The following SLC12A7 variants were observed in gnomAD, a reference collection of about 807,000 sequenced individuals.
The protein encoded by SLC12A7 is solute carrier family 12 member 7.
SLC12A7 carries 100 observed loss-of-function variants against 120.6 expected under a neutral mutation model. That is an observed-to-expected ratio of 0.83 (90% CI 0.71 to 0.98). The LOEUF (loss-of-function observed/expected upper bound fraction) is 0.98, where lower values mean the gene tolerates loss of function less well. Among genes scored for constraint, SLC12A7 ranks in the 50% least tolerant of loss-of-function variants. The pLI is 0.00. For missense variants in SLC12A7, 1,373 were observed against 1,548.1 expected (o/e 0.89, Z 1.90); for synonymous variants, 760 against 678.0 (o/e 1.12, Z -1.88).
chr5:1,155,685 G>A, the SLC12A7 span, among the ~76,000 whole-genome samples: 1 of 151,124 alleles, frequency 6.6e-6, no homozygotes, highest in Non-Finnish European at 1.5e-5. Flanking sequence ...GTAGCGGCCG[G>A]GCTCGCGGCA....
the SLC12A7 span, among the ~76,000 whole-genome samples, chr5:1,136,765 G>A: frequency 5.3e-4 from 40 of 75,972 alleles, no homozygotes; most frequent in African/African-American, 1.8e-3. Flanking sequence ...GCAGGCACAC[G>A]TGTGCTCAGA....
chr5:1,091,425 C>G (rs1250605971), intron 3 of SLC12A7, among the ~76,000 whole-genome samples: 1 of 152,224 alleles, frequency 6.6e-6, no homozygotes. Flanking sequence ...GGAGCTAAAG[C>G]CTGTTCCCGG....
chr5:1,092,412 C>T (rs1219719661), intron 3 of SLC12A7, among the ~76,000 whole-genome samples: 1 of 152,228 alleles, frequency 6.6e-6, no homozygotes, highest in Non-Finnish European at 1.5e-5. Flanking sequence ...GGCCCACCCT[C>T]CCTGGACCTG....
Position 1,057,552 on chromosome 5 carries a change from G to A in SLC12A7, c.2945C>T (p.Thr982Ile). 1 of 1,613,200 alleles carries A rather than the reference G, an allele frequency of 6.2e-7. No homozygotes were observed. The highest frequency in any genetic ancestry group is 8.5e-7 in the Non-Finnish European group (1 of 1,179,964). ...PTPDKVQMTW[T>I]REKLIAEKYR... Reference sequence around the variant, plus strand: ...CTTCTCAGCGATCAGCTTCTCCCTGGTCCAGGTCATCTGCACCTTGTCTGG... The same window carrying A: ...CTTCTCAGCGATCAGCTTCTCCCTGATCCAGGTCATCTGCACCTTGTCTGG... The change falls in exon 22 of 24, where the codon ACC becomes ATC. Residue 982 changes from threonine (T) to isoleucine (I), a missense_variant. Physicochemically the swap from Thr to Ile is moderately conservative, Grantham distance 89. Coordinates refer to ENST00000264930, the MANE Select transcript of SLC12A7 (RefSeq NM_006598.3).
the SLC12A7 span, among the ~76,000 whole-genome samples, chr5:1,117,122 C>T: frequency 6.6e-6 from 1 of 152,086 alleles, no homozygotes; most frequent in African/African-American, 2.4e-5. The surrounding 1 kb of genome is among the most constrained non-coding windows in gnomAD (Gnocchi z 4.5). Context: ...AACCCCAGAG[C>T]CGTGGGGATG....
At chr5:1,124,044 A>G in the SLC12A7 span, among the ~76,000 whole-genome samples, 3 of 152,228 alleles carry the variant, frequency 2.0e-5, no homozygotes, top group Admixed American at 6.5e-5. Context: ...TCTCAGGGTG[A>G]TAAGTTAAAA....
chr5:1,132,256 G>GCTAC, the SLC12A7 span, among the ~76,000 whole-genome samples: 1 of 152,120 alleles, frequency 6.6e-6, no homozygotes, highest in African/African-American at 2.4e-5. Context: ...ACGTCGGGAA[G>GCTAC]CTACCCTCTA....
chr5:1,066,911 C>A (rs1298038135), intron 17 of SLC12A7, among the ~76,000 whole-genome samples: 1 of 152,186 alleles, frequency 6.6e-6, no homozygotes, highest in Non-Finnish European at 1.5e-5. Flanking sequence ...GCCGTGTGGT[C>A]TGTGTCCCAT....
chr5:1,136,886 GC>G, the SLC12A7 span, among the ~76,000 whole-genome samples: 3 of 92,412 alleles, frequency 3.2e-5, no homozygotes, highest in East Asian at 3.8e-4. Context: ...TGCTCAAACA[GC>G]AGGACACGCA....
chr5:1,104,243 G>A (rs571742145), intron 1 of SLC12A7, among the ~76,000 whole-genome samples: 1 of 152,354 alleles, frequency 6.6e-6, no homozygotes, highest in African/African-American at 2.4e-5. Context: ...GAGCCAAGGA[G>A]ATGAGAGGTC....
At chr5:1,110,531 A>G (rs1742918182) in intron 1 of SLC12A7, among the ~76,000 whole-genome samples, 1 of 152,252 alleles carries the variant, frequency 6.6e-6, no homozygotes, top group African/African-American at 2.4e-5. Context: ...GTCTAAAGAC[A>G]AAAGTGAACC....
chr5:1,078,431 C>T (rs1738611142), intron 11 of SLC12A7: 1 of 576,452 alleles, frequency 1.7e-6, no homozygotes, highest in East Asian at 2.9e-5. Flanking sequence ...AAGCCTCACC[C>T]GTCCACACCC....
chr5:1,129,327 C>T, the SLC12A7 span, among the ~76,000 whole-genome samples: 3 of 152,318 alleles, frequency 2.0e-5, no homozygotes, highest in Non-Finnish European at 4.4e-5. Context: ...AGGTAACACC[C>T]CCACCTCCGA....
intron 3 of SLC12A7, among the ~76,000 whole-genome samples, chr5:1,092,701 G>T (rs987845486): frequency 1.3e-5 from 2 of 152,180 alleles, no homozygotes; most frequent in Non-Finnish European, 2.9e-5. Context: ...AGCAGGGCCT[G>T]CGCTGCTTGG....
chr5:1,091,638 GAGC>G (rs1275662534), intron 3 of SLC12A7, among the ~76,000 whole-genome samples: 8 of 152,206 alleles, frequency 5.3e-5, no homozygotes, highest in Non-Finnish European at 1.2e-4. Flanking sequence ...GCTGAGTGCT[GAGC>G]CCGGCAATAC....
chr5:1,097,252 G>A (rs79184101), intron 1 of SLC12A7, among the ~76,000 whole-genome samples: 325 of 152,264 alleles, frequency 2.1e-3, no homozygotes, highest in Non-Finnish European at 4.0e-3. Flanking sequence ...TACACAGCAA[G>A]CACATTCGCT....
At chr5:1,086,105 G>A (rs1030402219) in intron 6 of SLC12A7, among the ~76,000 whole-genome samples, 2 of 152,164 alleles carry the variant, frequency 1.3e-5, no homozygotes, top group African/African-American at 2.4e-5. Flanking sequence ...CACGGCACCC[G>A]GGGCAGGTGG....
At chr5:1,075,129 G>A (rs1738181511) in intron 15 of SLC12A7, among the ~76,000 whole-genome samples, 2 of 152,176 alleles carry the variant, frequency 1.3e-5, no homozygotes, top group African/African-American at 2.4e-5. Flanking sequence ...AGGACGGCAC[G>A]AGACAGAGCT....
At chr5:1,135,988 GC>G in the SLC12A7 span, among the ~76,000 whole-genome samples, 1 of 152,186 alleles carries the variant, frequency 6.6e-6, no homozygotes, top group African/African-American at 2.4e-5. Flanking sequence ...GGGGTAAGCA[GC>G]ACACCATCTC....
Sources: gnomAD v4.1 joint callset for allele counts (sites outside exome capture counted in the v4.1 genomes callset) on GRCh38, gnomAD v4.1.1 for gene constraint, Gnocchi (gnomAD v3.1) non-coding constraint, MANE v1.5 for transcripts, NCBI Gene and HGNC (gene_info 2026-07-23, HGNC 2026-07-21) for gene names.